The following RNGTT variants were observed in gnomAD, a reference collection of about 807,000 sequenced individuals.
RNGTT encodes RNA guanylyltransferase and 5'-phosphatase, also known as mRNA-capping enzyme.
In RNGTT, 33 loss-of-function variants were observed where a neutral mutation model predicts 79.3. The observed-to-expected ratio is 0.42, with a 90% CI of 0.32 to 0.56. The LOEUF is 0.56. RNGTT is among the 20% of genes least tolerant of loss of function. The pLI, the probability that RNGTT is intolerant of heterozygous loss-of-function variation, is 0.17. For synonymous variants in RNGTT, 222 were observed against 235.9 expected, an observed-to-expected ratio of 0.94 and a Z score of 0.54; for missense variants, 497 against 739.1, an observed-to-expected ratio of 0.67 and a Z score of 3.80.
intron 6 of RNGTT, among the ~76,000 whole-genome samples, chr6:88,893,700 G>C (rs1020277590): frequency 6.6e-6 from 1 of 152,070 alleles, no homozygotes; most frequent in Non-Finnish European, 1.5e-5. Context: ...GTAAATGTCT[G>C]TCATCCATTT....
At chr6:88,719,651 A>G (rs2127812285) in intron 13 of RNGTT, among the ~76,000 whole-genome samples, 1 of 152,330 alleles carries the variant, frequency 6.6e-6, no homozygotes, top group Non-Finnish European at 1.5e-5. Flanking sequence ...GCTTGGCTAA[A>G]GAACTCAATT....
chr6:88,618,293 T>C (rs1404420934), intron 14 of RNGTT, among the ~76,000 whole-genome samples: 3 of 152,186 alleles, frequency 2.0e-5, no homozygotes, highest in Non-Finnish European at 4.4e-5. Context: ...GCACTACAAG[T>C]TACTCATTTG....
chr6:88,776,321 CTTTT>C (rs34732511), intron 12 of RNGTT, among the ~76,000 whole-genome samples: 1 of 139,468 alleles, frequency 7.2e-6, no homozygotes. Context: ...ACCTTTTGAC[CTTTT>C]TTTTTTTTTT....
chr6:88,951,349 T>C (rs1785241140), intron 1 of RNGTT, among the ~76,000 whole-genome samples: 1 of 152,156 alleles, frequency 6.6e-6, no homozygotes. Flanking sequence ...TACATAAACT[T>C]GATTGATAAA....
Position 88,612,025 on chromosome 6 carries a change from A to G in RNGTT, c.*694T>C, listed in dbSNP as rs889910891. 1 of 152,550 alleles carries G rather than the reference A, an allele frequency of 6.6e-6. No homozygotes were observed. The highest frequency in any genetic ancestry group is 1.5e-5 in the Non-Finnish European group (1 of 68,052). 9.4% of individuals were successfully genotyped at this position (152,550 alleles called of 1,614,324 possible). ...ACCACTGCCAGAATGGACACACTGG[A>G]TATCTGATATCATAGTCGAAACAAT... On this transcript the variant is annotated 3_prime_UTR_variant, in exon 16 of 16. Coordinates refer to ENST00000369485, the MANE Select transcript of RNGTT (RefSeq NM_003800.5).
intron 14 of RNGTT, among the ~76,000 whole-genome samples, chr6:88,665,931 G>C (rs1774389680): frequency 6.6e-6 from 1 of 152,234 alleles, no homozygotes; most frequent in African/African-American, 2.4e-5. Flanking sequence ...GCAGACAGCA[G>C]GTACGCTACC....
intron 12 of RNGTT, among the ~76,000 whole-genome samples, chr6:88,800,764 C>A (rs141878946): frequency 3.3e-4 from 50 of 152,304 alleles, no homozygotes; most frequent in African/African-American, 1.2e-3. Flanking sequence ...TGAAAAACAC[C>A]GTCCTACAGA....
chr6:88,758,441 T>C (rs1778094521), intron 13 of RNGTT, among the ~76,000 whole-genome samples: 2 of 152,200 alleles, frequency 1.3e-5, no homozygotes, highest in African/African-American at 4.8e-5. Flanking sequence ...CGTCGAAAGG[T>C]GTCTATTGCT....
intron 1 of RNGTT, among the ~76,000 whole-genome samples, chr6:88,959,052 T>C (rs1020319869): frequency 6.6e-6 from 1 of 152,166 alleles, no homozygotes; most frequent in Non-Finnish European, 1.5e-5. Context: ...AATAATGGCA[T>C]TCATGGCAAC....
chr6:88,937,142 G>A (rs117574682), intron 2 of RNGTT, among the ~76,000 whole-genome samples: 4,211 of 152,156 alleles, frequency 0.028, 89 homozygotes, highest in Non-Finnish European at 0.045. Flanking sequence ...CAGGAGTTCC[G>A]AGACCAGTCT....
chr6:88,938,228 A>G (rs1004174032), intron 2 of RNGTT, among the ~76,000 whole-genome samples: 3 of 152,172 alleles, frequency 2.0e-5, no homozygotes, highest in African/African-American at 7.2e-5. Flanking sequence ...GAGTGCATAT[A>G]TGTTTAGAAT....
intron 13 of RNGTT, among the ~76,000 whole-genome samples, chr6:88,747,283 A>C (rs1336373214): frequency 2.0e-5 from 3 of 152,096 alleles, no homozygotes; most frequent in African/African-American, 7.2e-5. Flanking sequence ...ATAAATCTCA[A>C]ATGGCTGTGA....
intron 14 of RNGTT, among the ~76,000 whole-genome samples, chr6:88,664,406 C>T (rs975846687): frequency 6.6e-6 from 1 of 152,172 alleles, no homozygotes; most frequent in Non-Finnish European, 1.5e-5. Flanking sequence ...GCTGAAGAAA[C>T]GGGCTGGGTT....
chr6:88,649,796 A>ATTT (rs1773729999), intron 14 of RNGTT, among the ~76,000 whole-genome samples: 1 of 152,138 alleles, frequency 6.6e-6, no homozygotes, highest in Non-Finnish European at 1.5e-5. Flanking sequence ...GGTTTTCAGG[A>ATTT]GGAAAGTGAT....
intron 1 of RNGTT, among the ~76,000 whole-genome samples, chr6:88,962,411 C>T (rs1045036024): frequency 8.5e-5 from 13 of 152,150 alleles, no homozygotes; most frequent in African/African-American, 1.7e-4. Context: ...GTGGGAGCAT[C>T]GCTTGAGTCC....
At chr6:88,737,806 C>G (rs1167368240) in intron 13 of RNGTT, among the ~76,000 whole-genome samples, 1 of 152,156 alleles carries the variant, frequency 6.6e-6, no homozygotes, top group Non-Finnish European at 1.5e-5. Flanking sequence ...GTTTAAGGCA[C>G]CCAGTCTATG....
chr6:88,800,255 T>C (rs2127862015), intron 12 of RNGTT, among the ~76,000 whole-genome samples: 1 of 152,346 alleles, frequency 6.6e-6, no homozygotes, highest in East Asian at 1.9e-4. Context: ...TTGGGGAATA[T>C]CTGCATTATA....
rs1356439154 is a variant in RNGTT at position 88,904,859 on chromosome 6, T to C, written c.540A>G (p.Ile180Met). ...LKELFRRYGD[I>M]EEAPPPPLLP... is the part of the protein sequence containing the mutation. ...ATAGAGGTGGGGGTGGTGCTTCCTC[T>C]ATGTCACCATACCGACGAAAAAGTT... The change falls in exon 6 of 16, where the codon ATA (isoleucine) becomes ATG (methionine). Residue 180 changes from isoleucine (I) to methionine (M), a missense_variant. Ile to Met is a conservative substitution (Grantham distance 10). Transcript: ENST00000369485. The C allele has an allele frequency of 6.2e-7, 1 of 1,614,106 alleles. No homozygotes were observed. The highest frequency in any genetic ancestry group is 8.5e-7 in the Non-Finnish European group (1 of 1,180,014).
intron 8 of RNGTT, among the ~76,000 whole-genome samples, chr6:88,885,134 A>G (rs1420041662): frequency 6.6e-6 from 1 of 152,154 alleles, no homozygotes; most frequent in Non-Finnish European, 1.5e-5. Flanking sequence ...ACACACACAC[A>G]CACACATATT....
Sources: allele counts gnomAD v4.1 joint callset (sites outside exome capture counted in the v4.1 genomes callset), GRCh38; gene constraint gnomAD v4.1.1; transcripts MANE v1.5; gene names NCBI Gene and HGNC (gene_info 2026-07-23, HGNC 2026-07-21).